Variants in TRPM6 observed in about 807,000 individuals in gnomAD.
The protein encoded by TRPM6 is channel kinase 2.
Under a neutral mutation model 247.6 loss-of-function variants are expected in TRPM6, and 111 were observed. The ratio of observed to expected loss-of-function variants is 0.45; its 90% confidence interval spans 0.38 to 0.52. The LOEUF is 0.52. Ranked by LOEUF, TRPM6 falls within the 20% of genes least tolerant of loss-of-function variation. The probability of loss-of-function intolerance (pLI) is 0.00; values close to 1 mark genes in which losing one functional copy is unlikely to be tolerated. For synonymous variants in TRPM6, 892 were observed against 853.8 expected (o/e 1.04, Z -0.78); for missense variants, 2,126 against 2,421.5 (o/e 0.88, Z 2.56).
At chr9:74,854,957 G>A (rs191486609) in intron 3 of TRPM6, among the ~76,000 whole-genome samples, 16 of 152,332 alleles carry the variant, frequency 1.1e-4, no homozygotes, top group Admixed American at 9.8e-4. Context: ...GGGATAACAG[G>A]TGTGAGTGAC....
intron 1 of TRPM6, among the ~76,000 whole-genome samples, chr9:74,876,977 C>T (rs544856407): frequency 6.6e-6 from 1 of 152,162 alleles, no homozygotes; most frequent in South Asian, 2.1e-4. Flanking sequence ...GTCGAATAAA[C>T]CCATGAAAAG....
At chr9:74,850,129 T>A (rs549625760) in intron 3 of TRPM6, among the ~76,000 whole-genome samples, 181 of 152,256 alleles carry the variant, frequency 1.2e-3, no homozygotes, top group Non-Finnish European at 2.3e-3. Flanking sequence ...GCCAGCACTT[T>A]GGGAGGCCAA....
intron 17 of TRPM6, chr9:74,800,036 G>T: frequency 1.7e-6 from 1 of 576,072 alleles, no homozygotes. Flanking sequence ...ACGCTCTGTC[G>T]CTCAGTCGCA....
intron 27 of TRPM6, among the ~76,000 whole-genome samples, chr9:74,760,851 A>G (rs1826601318): frequency 6.6e-6 from 1 of 152,162 alleles, no homozygotes. Context: ...TTAATGGACT[A>G]ATGGATTATG....
At chr9:74,831,451 C>A (rs556067490) in intron 6 of TRPM6, among the ~76,000 whole-genome samples, 2 of 152,042 alleles carry the variant, frequency 1.3e-5, no homozygotes, top group Non-Finnish European at 2.9e-5. Context: ...GATCGTGCCA[C>A]CACACTCCAG....
At chr9:74,777,343 A>G (rs76821958) in intron 23 of TRPM6, among the ~76,000 whole-genome samples, 5,515 of 152,220 alleles carry the variant, frequency 0.036, 312 homozygotes, top group African/African-American at 0.12. Context: ...GTCTGTAACC[A>G]GCTCCTGGAC....
intron 3 of TRPM6, among the ~76,000 whole-genome samples, chr9:74,842,789 A>G (rs1247432117): frequency 1.3e-5 from 2 of 152,180 alleles, no homozygotes; most frequent in Non-Finnish European, 2.9e-5. Context: ...AACGCTACCA[A>G]CCATCTGAGC....
rs1282414706 is a variant in TRPM6, at chr9:74,786,067, T to A, written c.2726A>T (p.Tyr909Phe). The A allele has an allele frequency of 6.2e-7, 1 of 1,614,212 alleles. No individual in the cohort carries two copies. The highest frequency in any genetic ancestry group is 1.1e-5 in the South Asian group (1 of 91,090). The change falls in exon 21 of 39, where the codon TAC becomes TTC. Residue 909 changes from tyrosine (Y) to phenylalanine (F), a missense_variant. Coordinates refer to ENST00000360774, the MANE Select transcript of TRPM6 (RefSeq NM_017662.5). ...GGCCACAGTTTCTGTTAAGTTCCAG[T>A]ACTCACTAATCCATACCTTCACCTT... is the stretch of plus-strand genomic sequence containing the variant. ...TQKVKVWISE[Y>F]WNLTETVAIG...
rs1394860862 is a variant in TRPM6 at position 74,887,282 on chromosome 9, G to T, written c.33+542C>A. 5 of 1,350,530 alleles carry T rather than the reference G, an allele frequency of 3.7e-6. No homozygotes were observed. The African/African-American group carries it at 4.4e-5, about 12-fold the overall frequency. 83.7% of individuals were successfully genotyped at this position (1,350,530 alleles called of 1,614,324 possible). ...GACTCCTGCACGGGGAACACTGGGC[G>T]CACGGGGACGCGCAGGGGCGCGGAG... is the stretch of plus-strand genomic sequence containing the variant. On this transcript the variant is annotated intron_variant, in intron 1 of 38. Coordinates refer to ENST00000360774, the MANE Select transcript of TRPM6 (RefSeq NM_017662.5).
At chr9:74,736,093 T>G (rs1825684778) in intron 36 of TRPM6, among the ~76,000 whole-genome samples, 2 of 152,206 alleles carry the variant, frequency 1.3e-5, no homozygotes, top group African/African-American at 4.8e-5. Context: ...CACACAGAGA[T>G]TAATGCTTAC....
chr9:74,748,118 CAG>C (rs1563995365), intron 30 of TRPM6, among the ~76,000 whole-genome samples: 2 of 152,158 alleles, frequency 1.3e-5, no homozygotes, highest in African/African-American at 4.8e-5. Context: ...TAGATTATAA[CAG>C]AGCTGAAAAA....
At chr9:74,786,402 A>G (rs1026471398) in intron 20 of TRPM6, among the ~76,000 whole-genome samples, 1 of 152,230 alleles carries the variant, frequency 6.6e-6, no homozygotes, top group Non-Finnish European at 1.5e-5. Flanking sequence ...TCTAGCTTTC[A>G]ATAATCCTGA....
chr9:74,745,751 G>C (rs1379968199), intron 31 of TRPM6, among the ~76,000 whole-genome samples: 3 of 152,338 alleles, frequency 2.0e-5, no homozygotes, highest in Middle Eastern at 3.4e-3. Context: ...GGGGTGGCTG[G>C]AAAGCAGAAC....
intron 6 of TRPM6, among the ~76,000 whole-genome samples, chr9:74,831,147 G>A (rs1018249435): frequency 1.3e-5 from 2 of 152,102 alleles, no homozygotes; most frequent in Non-Finnish European, 2.9e-5. Flanking sequence ...GATACTAGCT[G>A]ACATGAAAAA....
At chr9:74,838,416 A>G (rs2118172038) in intron 5 of TRPM6, among the ~76,000 whole-genome samples, 1 of 152,362 alleles carries the variant, frequency 6.6e-6, no homozygotes, top group African/African-American at 2.4e-5. Context: ...CCTATTTGTG[A>G]TGGGCCAAAT....
At chr9:74,761,925 A>C (rs1331571432) in intron 26 of TRPM6, 74 bp downstream of exon 26, 2 of 1,558,216 alleles carry the variant, frequency 1.3e-6, no homozygotes, top group Non-Finnish European at 1.8e-6. Flanking sequence ...TCACAGATTT[A>C]AAAAACAAAA....
intron 3 of TRPM6, among the ~76,000 whole-genome samples, chr9:74,854,993 C>A (rs1830479780): frequency 6.6e-6 from 1 of 152,124 alleles, no homozygotes; most frequent in Non-Finnish European, 1.5e-5. Context: ...ATGTTTTTTT[C>A]CAAGAATAAA....
At chr9:74,800,755 T>C (rs972150381) in intron 16 of TRPM6, among the ~76,000 whole-genome samples, 9 of 152,012 alleles carry the variant, frequency 5.9e-5, no homozygotes, top group African/African-American at 1.7e-4. Flanking sequence ...GAGGTTTACA[T>C]TGTAGCATAC....
At chr9:74,802,314 A>G in intron 15 of TRPM6, 139 bp from the exon 16 acceptor site, 2 of 803,460 alleles carry the variant, frequency 2.5e-6, no homozygotes, top group Non-Finnish European at 3.9e-6. Flanking sequence ...AGATTTTACA[A>G]GCCAGCAAGC....
Sources: gnomAD v4.1 joint callset for allele counts (sites outside exome capture counted in the v4.1 genomes callset) on GRCh38, gnomAD v4.1.1 for gene constraint, MANE v1.5 for transcripts, NCBI Gene and HGNC (gene_info 2026-07-23, HGNC 2026-07-21) for gene names.